The following RAB3C variants were observed in gnomAD, a reference collection of about 807,000 sequenced individuals.
RAB3C encodes the protein RAB3C, member RAS oncogene family.
A neutral mutation model predicts 26.4 loss-of-function variants in RAB3C; 17 were observed. The observed-to-expected ratio is 0.64, with a 90% CI of 0.44 to 0.97. The LOEUF is 0.97. RAB3C is among the 50% of genes least tolerant of loss of function. The probability of loss-of-function intolerance (pLI) is 0.00; values close to 1 mark genes in which losing one functional copy is unlikely to be tolerated. For synonymous variants in RAB3C, 91 were observed against 95.9 expected (o/e 0.95, Z 0.30); for missense variants, 242 against 281.9 (o/e 0.86, Z 1.01).
At chr5:58,705,463 A>T (rs1748925370) in intron 2 of RAB3C, among the ~76,000 whole-genome samples, 1 of 152,196 alleles carries the variant, frequency 6.6e-6, no homozygotes. Flanking sequence ...TTCTTAAAAA[A>T]TTTTGATGAC....
intron 3 of RAB3C, among the ~76,000 whole-genome samples, chr5:58,727,021 T>C (rs891831350): frequency 2.0e-5 from 3 of 151,984 alleles, no homozygotes; most frequent in African/African-American, 7.2e-5. Flanking sequence ...TGGTGGTGGC[T>C]AGGACTGACT....
intron 3 of RAB3C, among the ~76,000 whole-genome samples, chr5:58,744,963 G>A (rs1025200955): frequency 6.6e-6 from 1 of 152,084 alleles, no homozygotes. Flanking sequence ...GCCATTATTG[G>A]GGAATCAACC....
chr5:58,752,827 A>C (rs1177834592), intron 3 of RAB3C, among the ~76,000 whole-genome samples: 1 of 152,136 alleles, frequency 6.6e-6, no homozygotes, highest in African/African-American at 2.4e-5. Flanking sequence ...ATGTAATCAT[A>C]TGCTAGCTTG....
At chr5:58,781,186 T>C (rs747525248) in intron 3 of RAB3C, among the ~76,000 whole-genome samples, 4 of 152,110 alleles carry the variant, frequency 2.6e-5, no homozygotes, top group Admixed American at 6.6e-5. Flanking sequence ...TACTCATAGA[T>C]GCTCATCAGT....
In RAB3C at chr5:58,617,666, G is replaced by T. The variant is rs1746852389; in HGVS notation, c.48G>T (p.Arg16Ser). The change falls in exon 2 of 5, where the codon AGG becomes AGT. Residue 16 changes from arginine to serine, a missense_variant. By Grantham distance (110) the Arg-to-Ser change is moderately radical. Transcript: ENST00000282878. ...AGATGGCCTCTGCCCAAGATGCCAG[G>T]TACGGCCAGAAAGACTCCTCTGATC... The part of the protein sequence containing the change: ...PMQMASAQDA[R>S]YGQKDSSDQN... 3.7e-6 allele frequency: 6 copies of T among 1,613,308 alleles called. No individual in the cohort carries two copies. Among genetic ancestry groups the T allele is most frequent in the South Asian group, 1.1e-5 (1 of 91,056 alleles).
chr5:58,602,956 A>C (rs1030517224), intron 1 of RAB3C, among the ~76,000 whole-genome samples: 8 of 151,998 alleles, frequency 5.3e-5, no homozygotes, highest in Non-Finnish European at 1.2e-4. Flanking sequence ...TGTTTCCAGG[A>C]TTTGTTTCAA....
intron 2 of RAB3C, among the ~76,000 whole-genome samples, chr5:58,704,231 C>T (rs371324269): frequency 7.9e-5 from 12 of 152,068 alleles, no homozygotes; most frequent in Admixed American, 5.2e-4. Context: ...TTTATAAAAA[C>T]GCATTTTGGT....
intron 1 of RAB3C, among the ~76,000 whole-genome samples, chr5:58,616,591 G>C (rs555563909): frequency 6.6e-6 from 1 of 152,238 alleles, no homozygotes; most frequent in Non-Finnish European, 1.5e-5. Flanking sequence ...ATTGATTGTA[G>C]AGACCATTTT....
chr5:58,791,270 C>T (rs921209624), intron 3 of RAB3C, among the ~76,000 whole-genome samples: 2 of 152,118 alleles, frequency 1.3e-5, no homozygotes, highest in Non-Finnish European at 2.9e-5. Context: ...AGGGGGATTT[C>T]CTTGACTAGG....
chr5:58,735,353 T>G (rs1403058396), intron 3 of RAB3C, among the ~76,000 whole-genome samples: 1 of 152,238 alleles, frequency 6.6e-6, no homozygotes, highest in Non-Finnish European at 1.5e-5. Context: ...TCATGGGTGT[T>G]GATTTTGAGG....
In RAB3C at chr5:58,583,225, C is replaced by A; in HGVS notation, c.17C>A (p.Pro6His). Reference sequence around the variant, plus strand: ...TTGCCAACAATGAGACACGAAGCGCCCATGCAGGTGGGTCCATAAAGAAAG... The same window carrying A: ...TTGCCAACAATGAGACACGAAGCGCACATGCAGGTGGGTCCATAAAGAAAG... MRHEA[P>H]MQMASAQDAR... Residue 6 changes from proline to histidine, a missense_variant, in exon 1 of 5, where the codon CCC becomes CAC. By Grantham distance (77) the Pro-to-His change is moderately conservative (BLOSUM62 -2). Transcript: ENST00000282878. 1 of 1,614,202 alleles carries A rather than the reference C, an allele frequency of 6.2e-7. No homozygotes were observed. The highest frequency in any genetic ancestry group is 8.5e-7 in the Non-Finnish European group (1 of 1,180,044).
At chr5:58,645,057 C>T (rs1747489228) in intron 2 of RAB3C, among the ~76,000 whole-genome samples, 2 of 152,148 alleles carry the variant, frequency 1.3e-5, no homozygotes, top group South Asian at 4.1e-4. Flanking sequence ...AACAGAATTT[C>T]CCAGAGAGTG....
At chr5:58,776,840 C>T (rs1020462423) in intron 3 of RAB3C, among the ~76,000 whole-genome samples, 11 of 152,014 alleles carry the variant, frequency 7.2e-5, no homozygotes, top group African/African-American at 2.2e-4. Context: ...ATACCTTACC[C>T]GGAAGTTTAG....
chr5:58,681,730 T>C (rs1406029157), intron 2 of RAB3C, among the ~76,000 whole-genome samples: 1 of 152,156 alleles, frequency 6.6e-6, no homozygotes, highest in Non-Finnish European at 1.5e-5. Flanking sequence ...ATGGGACCTA[T>C]AAATACTAGA....
intron 3 of RAB3C, among the ~76,000 whole-genome samples, chr5:58,731,226 G>A (rs963326388): frequency 6.6e-6 from 1 of 152,090 alleles, no homozygotes; most frequent in Admixed American, 6.5e-5. Flanking sequence ...TCTCTTTTTT[G>A]AAAACACATT....
intron 2 of RAB3C, among the ~76,000 whole-genome samples, chr5:58,684,665 A>G (rs1171859244): frequency 7.2e-5 from 11 of 152,148 alleles, no homozygotes; most frequent in Admixed American, 6.5e-4. Context: ...ATAGGAGGGG[A>G]GTATTAATTA....
At chr5:58,824,275 TA>T (rs57887799) in intron 3 of RAB3C, among the ~76,000 whole-genome samples, 1,515 of 149,860 alleles carry the variant, frequency 0.01, 7 homozygotes, top group African/African-American at 0.014. Flanking sequence ...TAAGCAGGTT[TA>T]AAAAAAAAAT....
intron 2 of RAB3C, among the ~76,000 whole-genome samples, chr5:58,711,347 G>C (rs1239636296): frequency 1.3e-5 from 2 of 152,144 alleles, no homozygotes; most frequent in African/African-American, 4.8e-5. Context: ...TGATGATGCT[G>C]CCTCTAGCAT....
At position 58,703,131 on chromosome 5, in the gene RAB3C, G is replaced by A. The variant is rs570956996; in HGVS notation, c.253-22871G>A. Among the ~76,000 whole-genome samples the A allele has an allele frequency of 2.2e-4, 33 of 152,200 alleles. No homozygotes were observed. In the South Asian group the frequency reaches 5.0e-3, roughly 23 times the overall value. ...TACGTGGCAACCAAAATTATATTTG[G>A]CAGCCAAATTTGGACTCTCCTGATG... is the stretch of plus-strand genomic sequence containing the variant. On this transcript the variant is annotated intron_variant, in intron 2 of 4. Transcript: ENST00000282878.
Sources: gnomAD v4.1 joint callset for allele counts (sites outside exome capture counted in the v4.1 genomes callset) on GRCh38, gnomAD v4.1.1 for gene constraint, MANE v1.5 for transcripts, NCBI Gene and HGNC (gene_info 2026-07-23, HGNC 2026-07-21) for gene names.